The following ADAMTS16 variants were observed in gnomAD, a reference collection of about 807,000 sequenced individuals.
ADAMTS16 encodes A disintegrin and metalloproteinase with thrombospondin motifs 16.
A neutral mutation model predicts 145.8 loss-of-function variants in ADAMTS16; 94 were observed. The ratio of observed to expected loss-of-function variants is 0.64; its 90% confidence interval spans 0.55 to 0.77. The LOEUF (loss-of-function observed/expected upper bound fraction) is 0.77. Among genes scored for constraint, ADAMTS16 ranks in the 30% least tolerant of loss-of-function variants. The pLI, the probability that ADAMTS16 is intolerant of heterozygous loss-of-function variation, is 0.00. For synonymous variants in ADAMTS16, 659 were observed against 604.3 expected (o/e 1.09, Z -1.33); for missense variants, 1,585 against 1,591.5 (o/e 1.00, Z 0.07).
chr5:5,200,377 T>C (rs17762877), intron 9 of ADAMTS16, 108 bp downstream of exon 9: 489,245 of 1,420,862 alleles, frequency 0.34, 89,959 homozygotes, highest in Non-Finnish European at 0.38. Flanking sequence ...CCTGATGTGG[T>C]TCCCTTTGAA....
intron 18 of ADAMTS16, among the ~76,000 whole-genome samples, chr5:5,278,079 A>T (rs577249571): frequency 6.6e-6 from 1 of 152,320 alleles, no homozygotes; most frequent in African/African-American, 2.4e-5. Flanking sequence ...TTTGTTTCTG[A>T]CATCTATTAT....
chr5:5,262,339 A>C (rs1738062052), intron 17 of ADAMTS16, among the ~76,000 whole-genome samples: 1 of 152,246 alleles, frequency 6.6e-6, no homozygotes, highest in African/African-American at 2.4e-5. Flanking sequence ...CAACTATGGA[A>C]AGAGTAGAAA....
At chr5:5,199,011 A>G (rs753728912) in intron 8 of ADAMTS16, among the ~76,000 whole-genome samples, 8 of 152,300 alleles carry the variant, frequency 5.3e-5, no homozygotes, top group Non-Finnish European at 7.3e-5. Flanking sequence ...CCAGACATTA[A>G]TGGCAATAGT....
In ADAMTS16 at chr5:5,140,556, C is replaced by T. The variant is rs1391644537; in HGVS notation, c.72+17C>T. ...GCCGAGCAGGTGAGTCCCGGGCGCT[C>T]CCACCAGCGCGGAAACCGCGGGTCC... On this transcript the variant is annotated intron_variant, in intron 1 of 22. Coordinates refer to ENST00000274181, the MANE Select transcript of ADAMTS16 (RefSeq NM_139056.4). 1 of 1,501,744 alleles carries T rather than the reference C, an allele frequency of 6.7e-7. No homozygotes were observed. Among genetic ancestry groups the T allele is most frequent in the Admixed American group, 2.1e-5 (1 of 46,886 alleles). The allele number at this position is 1,501,744 out of a possible 1,614,324, so 93.0% of individuals were successfully genotyped here. A position where few individuals can be genotyped will look rare whatever the true frequency, so the allele number is the denominator to read the frequency against.
chr5:5,154,345 T>C (rs6555331), intron 3 of ADAMTS16, among the ~76,000 whole-genome samples: 57,048 of 152,080 alleles, frequency 0.38, 11,835 homozygotes, highest in Middle Eastern at 0.56. Context: ...TGTGAAGAAC[T>C]AATTGAAAGT....
At chr5:5,177,698 A>AT (rs1222022370) in intron 3 of ADAMTS16, among the ~76,000 whole-genome samples, 1 of 152,244 alleles carries the variant, frequency 6.6e-6, no homozygotes, top group Non-Finnish European at 1.5e-5. Context: ...TGTTTCTGAA[A>AT]TATCACTAAG....
chr5:5,165,868 G>A (rs963431341), intron 3 of ADAMTS16, among the ~76,000 whole-genome samples: 2 of 152,138 alleles, frequency 1.3e-5, no homozygotes, highest in Non-Finnish European at 2.9e-5. Context: ...AGAAACACAT[G>A]TGCGTGCCTG....
chr5:5,250,573 G>C (rs1359485076), intron 17 of ADAMTS16, among the ~76,000 whole-genome samples: 1 of 152,170 alleles, frequency 6.6e-6, no homozygotes, highest in Non-Finnish European at 1.5e-5. Flanking sequence ...ATGAGTGTTG[G>C]GGCCCAGGCC....
rs1734203467 is a variant in ADAMTS16, at chr5:5,319,600, C to T, written c.*462C>T. The T allele has an allele frequency of 1.5e-5, 5 of 328,636 alleles. No homozygotes were observed. Among genetic ancestry groups the T allele is most frequent in the African/African-American group, 4.4e-5 (2 of 45,344 alleles). The allele number at this position is 328,636 out of a possible 1,614,324, so 20.4% of individuals were successfully genotyped here. On this transcript the variant is annotated 3_prime_UTR_variant, in exon 23 of 23. Transcript: ENST00000274181. ...CTCCCACTAGGAGGGCCCCTCGAGCCATCAGGAGTGACCAACTTCCTGGGT... is the reference window on the plus strand; with the variant it reads ...CTCCCACTAGGAGGGCCCCTCGAGCTATCAGGAGTGACCAACTTCCTGGGT...
At chr5:5,213,665 G>A (rs1215146788) in intron 10 of ADAMTS16, among the ~76,000 whole-genome samples, 5 of 152,098 alleles carry the variant, frequency 3.3e-5, no homozygotes, top group Admixed American at 6.5e-5. Context: ...CGGTACTCTC[G>A]TGTGTGGTTC....
chr5:5,199,793 A>G (rs1373099599), intron 8 of ADAMTS16, among the ~76,000 whole-genome samples: 1 of 152,218 alleles, frequency 6.6e-6, no homozygotes, highest in Non-Finnish European at 1.5e-5. Context: ...CCTGCTGAGC[A>G]GAAAAGAGTG....
intron 17 of ADAMTS16, among the ~76,000 whole-genome samples, chr5:5,255,850 A>G (rs1003202603): frequency 3.3e-5 from 5 of 152,150 alleles, no homozygotes; most frequent in African/African-American, 1.2e-4. Flanking sequence ...TTCTTGGGCT[A>G]TCCTTTATTT....
chr5:5,171,308 T>C (rs1175540238), intron 3 of ADAMTS16, among the ~76,000 whole-genome samples: 1 of 152,226 alleles, frequency 6.6e-6, no homozygotes, highest in East Asian at 1.9e-4. Flanking sequence ...TAGTACTATT[T>C]TGGATAACAG....
intron 8 of ADAMTS16, among the ~76,000 whole-genome samples, chr5:5,193,798 T>C (rs983267598): frequency 5.9e-5 from 9 of 152,172 alleles, no homozygotes; most frequent in Admixed American, 3.3e-4. Flanking sequence ...AGTCAGAATC[T>C]AGATGTGAAT....
intron 3 of ADAMTS16, among the ~76,000 whole-genome samples, chr5:5,148,478 A>G (rs1371427348): frequency 6.6e-6 from 1 of 152,250 alleles, no homozygotes; most frequent in African/African-American, 2.4e-5. Flanking sequence ...TTATTACATA[A>G]TATCTTGTAT....
At chr5:5,243,018 T>C (rs911635076) in intron 17 of ADAMTS16, among the ~76,000 whole-genome samples, 19 of 152,118 alleles carry the variant, frequency 1.2e-4, no homozygotes, top group African/African-American at 3.6e-4. Context: ...TAAAAGAAAA[T>C]GGTTCATAAA....
At chr5:5,288,804 A>G (rs990071720) in intron 18 of ADAMTS16, among the ~76,000 whole-genome samples, 4 of 152,206 alleles carry the variant, frequency 2.6e-5, no homozygotes, top group African/African-American at 9.6e-5. Flanking sequence ...TCTGGGAGCA[A>G]TGCAGCATGG....
At chr5:5,312,194 C>G (rs908068979) in intron 21 of ADAMTS16, among the ~76,000 whole-genome samples, 1 of 152,200 alleles carries the variant, frequency 6.6e-6, no homozygotes, top group African/African-American at 2.4e-5. Context: ...TGTGGGCCAG[C>G]TCCACCTCTG....
Position 5,140,766 on chromosome 5 carries a change from G to A in ADAMTS16, c.175G>A (p.Glu59Lys). Residue 59 changes from glutamate (E) to lysine (K), a missense_variant and splice_region_variant, in exon 2 of 23, where the codon GAA becomes AAA. By Grantham distance (56) the Glu-to-Lys change is moderately conservative. This residue lies in a region of ADAMTS16 where 453 missense variants were observed against 412.1 expected (regional missense o/e 1.10). Transcript: ENST00000274181. ...GCGGCCGGGCTGGATGGAAAAGGGC[G>A]GTAAGTCCGTGAGGTGGGGGCTTCT... ...AERPGWMEKG[E>K]YDLVSAYEVD... The A allele has an allele frequency of 1.3e-6, 2 of 1,557,632 alleles. No individual in the cohort carries two copies. Among genetic ancestry groups the A allele is most frequent in the Non-Finnish European group, 1.7e-6 (2 of 1,152,022 alleles).
Sources: allele counts gnomAD v4.1 joint callset (sites outside exome capture counted in the v4.1 genomes callset), GRCh38; gene constraint gnomAD v4.1.1; regional missense constraint gnomAD v4.1.1; transcripts MANE v1.5; gene names NCBI Gene and HGNC (gene_info 2026-07-23, HGNC 2026-07-21).